Variants in ARHGEF4 observed in about 807,000 individuals in gnomAD.
The protein encoded by ARHGEF4 is Rho guanine nucleotide exchange factor 4.
Under a neutral mutation model 162.0 loss-of-function variants are expected in ARHGEF4, and 119 were observed. The observed-to-expected ratio is 0.73, with a 90% CI of 0.63 to 0.86. The LOEUF (loss-of-function observed/expected upper bound fraction) is 0.86. ARHGEF4 is among the 40% of genes least tolerant of loss of function. The probability of loss-of-function intolerance (pLI) is 0.00; values close to 1 mark genes in which losing one functional copy is unlikely to be tolerated. For synonymous variants in ARHGEF4, 1,014 were observed against 979.9 expected, an observed-to-expected ratio of 1.03 and a Z score of -0.65; for missense variants, 2,488 against 2,456.0, an observed-to-expected ratio of 1.01 and a Z score of -0.28.
intron 4 of ARHGEF4, among the ~76,000 whole-genome samples, chr2:131,010,510 AT>A (rs1273685031): frequency 2.7e-5 from 4 of 148,378 alleles, no homozygotes; most frequent in Non-Finnish European, 5.9e-5. Flanking sequence ...TGAGAGGGAT[AT>A]TTTTTTACAT....
intron 4 of ARHGEF4, among the ~76,000 whole-genome samples, chr2:131,019,946 T>C (rs556395870): frequency 6.6e-6 from 1 of 152,232 alleles, no homozygotes; most frequent in Non-Finnish European, 1.5e-5. Context: ...TATTTTATTC[T>C]TTTTAATGCT....
rs964673887 is a variant in ARHGEF4 at position 130,929,369 on chromosome 2, ATC to A, written c.3553-1573_3553-1572del. On this transcript the variant is annotated intron_variant, in intron 2 of 13. Coordinates refer to ENST00000409359, the MANE Select transcript of ARHGEF4 (RefSeq NM_001367493.1). ...CCAGCCATCCAGTTTCTCTTCCTCC[ATC>A]TCTCTCTCTTTCACTGTAAACATAT... Among the ~76,000 whole-genome samples the A allele has an allele frequency of 7.9e-5, 12 of 152,182 alleles. No homozygotes were observed. The East Asian group carries it at 1.7e-3, about 22-fold the overall frequency.
intron 4 of ARHGEF4, among the ~76,000 whole-genome samples, chr2:130,959,170 G>C (rs917887342): frequency 8.5e-5 from 13 of 152,094 alleles, no homozygotes; most frequent in Admixed American, 8.5e-4. Flanking sequence ...TCGAACTCCT[G>C]ACCTCAGGTG....
intron 4 of ARHGEF4, among the ~76,000 whole-genome samples, chr2:130,992,874 A>G (rs575442977): frequency 1.3e-5 from 2 of 152,344 alleles, no homozygotes; most frequent in African/African-American, 4.8e-5. Flanking sequence ...ACATGAGGCC[A>G]GGGATTCGAG....
At chr2:130,939,325 G>A (rs1683144276) in intron 3 of ARHGEF4, among the ~76,000 whole-genome samples, 1 of 152,088 alleles carries the variant, frequency 6.6e-6, no homozygotes, top group Non-Finnish European at 1.5e-5. Context: ...TGTGGATACT[G>A]TTGGACCACT....
chr2:130,881,501 G>A (rs1016280399), intron 1 of ARHGEF4, among the ~76,000 whole-genome samples: 1 of 152,090 alleles, frequency 6.6e-6, no homozygotes, highest in African/African-American at 2.4e-5. Flanking sequence ...TAGTAAGAGC[G>A]GTTGTAGATG....
chr2:130,921,462 G>A (rs762853630), intron 2 of ARHGEF4, among the ~76,000 whole-genome samples: 2 of 152,136 alleles, frequency 1.3e-5, no homozygotes, highest in African/African-American at 2.4e-5. Context: ...TTTTAGGGGT[G>A]TCCTTGGGGG....
At chr2:130,903,159 T>G (rs1292215469) in intron 1 of ARHGEF4, among the ~76,000 whole-genome samples, 1 of 152,084 alleles carries the variant, frequency 6.6e-6, no homozygotes, top group Non-Finnish European at 1.5e-5. Context: ...ATTTAGAATT[T>G]TTATGGTGCC....
Position 130,917,412 on chromosome 2 carries a change from G to T in ARHGEF4, c.3466G>T (p.Glu1156Ter). Residue 1156 changes from glutamate (E) to a stop codon, truncating the protein, a stop_gained, in exon 2 of 14, where the codon GAG becomes TAG. Transcript: ENST00000409359. LOFTEE classifies it high-confidence loss of function. ...TTCTCTGCAGACGCTAAACCAAGATGAGCAGAAGGAAGAGAGCAGGGAAGG... is the reference window on the plus strand; with the variant it reads ...TTCTCTGCAGACGCTAAACCAAGATTAGCAGAAGGAAGAGAGCAGGGAAGG... ...LLSLQTLNQD[E>*]QKEESREGGQ... 1 of 1,550,634 alleles carries T rather than the reference G, an allele frequency of 6.4e-7. No homozygotes were observed. Among genetic ancestry groups the T allele is most frequent in the East Asian group, 2.4e-5 (1 of 40,906 alleles).
At chr2:130,893,041 C>T (rs187602168) in intron 1 of ARHGEF4, among the ~76,000 whole-genome samples, 6 of 152,212 alleles carry the variant, frequency 3.9e-5, no homozygotes, top group African/African-American at 7.2e-5. Context: ...CTGAGTGTGG[C>T]GTGCAAAGCC....
intron 2 of ARHGEF4, among the ~76,000 whole-genome samples, chr2:130,928,213 A>G (rs956442495): frequency 1.3e-5 from 2 of 152,186 alleles, no homozygotes; most frequent in Non-Finnish European, 2.9e-5. Flanking sequence ...AAGTGACTTT[A>G]AAAGAGAAGT....
At chr2:130,992,432 ACCACGAGC>A (rs1234173242) in intron 4 of ARHGEF4, among the ~76,000 whole-genome samples, 1 of 152,118 alleles carries the variant, frequency 6.6e-6, no homozygotes, top group East Asian at 1.9e-4. Flanking sequence ...AGCCAGCGAG[ACCACGAGC>A]CCACCGGGAG....
At chr2:130,942,480 C>G (rs1478033488) in intron 3 of ARHGEF4, among the ~76,000 whole-genome samples, 1 of 152,070 alleles carries the variant, frequency 6.6e-6, no homozygotes, top group Admixed American at 6.5e-5. Flanking sequence ...TTCAACTACT[C>G]AGATATACAT....
chr2:130,985,007 G>T (rs368078853), intron 4 of ARHGEF4, among the ~76,000 whole-genome samples: 1 of 152,048 alleles, frequency 6.6e-6, no homozygotes, highest in Non-Finnish European at 1.5e-5. Flanking sequence ...AACAGTCAGG[G>T]TGCTCCCCCA....
At chr2:130,992,494 C>T (rs1239470124) in intron 4 of ARHGEF4, among the ~76,000 whole-genome samples, 1 of 152,012 alleles carries the variant, frequency 6.6e-6, no homozygotes. Flanking sequence ...CTGTAACACT[C>T]ACGGGGAAGG....
At chr2:130,847,077 G>C (rs891442721) in intron 1 of ARHGEF4, among the ~76,000 whole-genome samples, 1 of 152,182 alleles carries the variant, frequency 6.6e-6, no homozygotes, top group South Asian at 2.1e-4. Flanking sequence ...TAAGAGCCCT[G>C]TGTGGATTCC....
chr2:130,942,723 T>C (rs182341502), intron 3 of ARHGEF4, among the ~76,000 whole-genome samples: 45 of 152,340 alleles, frequency 3.0e-4, no homozygotes, highest in Admixed American at 2.9e-3. Context: ...GATTAGGATT[T>C]CGTTTTTAAG....
At chr2:131,020,415 C>T (rs1397063139) in intron 4 of ARHGEF4, among the ~76,000 whole-genome samples, 1 of 147,352 alleles carries the variant, frequency 6.8e-6, no homozygotes, top group Non-Finnish European at 1.5e-5. Flanking sequence ...GTTCAATTCC[C>T]ACCTATGAGT....
At chr2:130,991,106 G>T (rs1260336030) in intron 4 of ARHGEF4, among the ~76,000 whole-genome samples, 2 of 152,240 alleles carry the variant, frequency 1.3e-5, no homozygotes, top group African/African-American at 4.8e-5. Flanking sequence ...CAAAATGAAG[G>T]AGAGATGTGA....
Sources: allele counts gnomAD v4.1 joint callset (sites outside exome capture counted in the v4.1 genomes callset), GRCh38; gene constraint gnomAD v4.1.1; transcripts MANE v1.5; gene names NCBI Gene and HGNC (gene_info 2026-07-23, HGNC 2026-07-21).